Variants in RIMS2 observed in about 807,000 individuals in gnomAD.
The protein encoded by RIMS2 is regulating synaptic membrane exocytosis 2.
Under a neutral mutation model 174.4 loss-of-function variants are expected in RIMS2, and 59 were observed. The ratio of observed to expected loss-of-function variants is 0.34; its 90% CI spans 0.27 to 0.42. The LOEUF is 0.42. Among genes scored for constraint, RIMS2 ranks in the 10% least tolerant of loss-of-function variants. The probability of loss-of-function intolerance (pLI) is 1.00; values close to 1 mark genes in which losing one functional copy is unlikely to be tolerated. For synonymous variants in RIMS2, 606 were observed against 572.5 expected (o/e 1.06, Z -0.84); for missense variants, 1,620 against 1,666.3 (o/e 0.97, Z 0.48).
chr8:104,088,525 A>G (rs550173155), intron 19 of RIMS2, among the ~76,000 whole-genome samples: 1 of 152,176 alleles, frequency 6.6e-6, no homozygotes, highest in East Asian at 1.9e-4. Flanking sequence ...TCTCGATAGC[A>G]TGAGACTTGT....
intron 19 of RIMS2, among the ~76,000 whole-genome samples, chr8:104,064,142 C>G (rs2097059317): frequency 6.6e-6 from 1 of 152,068 alleles, no homozygotes; most frequent in Non-Finnish European, 1.5e-5. Flanking sequence ...ATAACTTTAA[C>G]TTTCTGGGCA....
At chr8:103,565,188 A>G (rs1321872256) in intron 1 of RIMS2, among the ~76,000 whole-genome samples, 1 of 152,230 alleles carries the variant, frequency 6.6e-6, no homozygotes, top group Non-Finnish European at 1.5e-5. Context: ...TGAATAGTCT[A>G]GGTGCAGTTT....
At chr8:104,063,723 T>G (rs2097050068) in intron 19 of RIMS2, among the ~76,000 whole-genome samples, 3 of 152,200 alleles carry the variant, frequency 2.0e-5, no homozygotes, top group Admixed American at 6.6e-5. Flanking sequence ...TGTTTAAGAC[T>G]ACAAGATGGA....
intron 19 of RIMS2, among the ~76,000 whole-genome samples, chr8:104,029,937 C>A (rs563708009): frequency 6.6e-6 from 1 of 152,190 alleles, no homozygotes; most frequent in East Asian, 1.9e-4. Flanking sequence ...TTTTTCCCAA[C>A]GTGGGGGAAA....
intron 19 of RIMS2, among the ~76,000 whole-genome samples, chr8:104,018,785 T>C (rs964334216): frequency 1.3e-5 from 2 of 152,178 alleles, no homozygotes; most frequent in Admixed American, 1.3e-4. Context: ...ATGATCATTT[T>C]TTCCATTATA....
chr8:104,062,820 A>G (rs936911510), intron 19 of RIMS2, among the ~76,000 whole-genome samples: 1 of 152,068 alleles, frequency 6.6e-6, no homozygotes, highest in Non-Finnish European at 1.5e-5. Flanking sequence ...TTTTGTGTCT[A>G]TTCCACATTG....
exon 1 of RIMS2, chr8:103,501,058 C>T (rs757761199): frequency 2.2e-5 from 36 of 1,601,044 alleles, no homozygotes; most frequent in Non-Finnish European, 2.9e-5. Context: ...GCAGTCCGTG[C>T]TCAAGTAAGG....
At chr8:103,802,600 CA>C (rs34654137) in intron 3 of RIMS2, among the ~76,000 whole-genome samples, 37,164 of 152,012 alleles carry the variant, frequency 0.24, 4,900 homozygotes, top group Non-Finnish European at 0.27. Context: ...TTTTGTAAAG[CA>C]AATAAACCAG....
At chr8:103,607,290 G>A (rs1179214244) in intron 1 of RIMS2, among the ~76,000 whole-genome samples, 1 of 151,914 alleles carries the variant, frequency 6.6e-6, no homozygotes, top group Non-Finnish European at 1.5e-5. Context: ...TGAAATTCTG[G>A]GATGAAAATT....
chr8:103,867,732 A>C (rs1182974915), intron 3 of RIMS2, among the ~76,000 whole-genome samples: 2 of 151,998 alleles, frequency 1.3e-5, no homozygotes. Flanking sequence ...ATCTATGAAA[A>C]CATCAAATTA....
chr8:104,176,685 C>A (rs1453236885), intron 19 of RIMS2, among the ~76,000 whole-genome samples: 4 of 150,332 alleles, frequency 2.7e-5, no homozygotes, highest in African/African-American at 7.3e-5. Context: ...ATTTTCATAT[C>A]ATTATATATG....
chr8:104,073,918 C>T lies in RIMS2; in HGVS notation c.3334+59303C>T, dbSNP rs143330210. On this transcript the variant is annotated intron_variant, in intron 19 of 23. Coordinates refer to ENST00000504942, the Ensembl canonical transcript of RIMS2. ...ATTTTTTAAAAAGCCCTTATAAATA[C>T]AACATAAACTGAAATTGGTGGACTT... 2.4e-3 allele frequency among the ~76,000 whole-genome samples: 371 copies of T among 152,278 alleles called. 1 individual carries two copies. Among genetic ancestry groups the T allele is most frequent in the Non-Finnish European group, 4.4e-3 (301 of 68,012 alleles).
At chr8:103,871,420 G>A (rs1259789897) in intron 3 of RIMS2, among the ~76,000 whole-genome samples, 1 of 152,016 alleles carries the variant, frequency 6.6e-6, no homozygotes, top group Non-Finnish European at 1.5e-5. Context: ...AAGTCAAAGG[G>A]ACTTTGTATA....
intron 1 of RIMS2, among the ~76,000 whole-genome samples, chr8:103,669,742 G>C (rs558329592): frequency 8.5e-4 from 130 of 152,354 alleles, no homozygotes; most frequent in African/African-American, 3.1e-3. Flanking sequence ...TGATGCAAGA[G>C]GTAGGTTCTC....
intron 1 of RIMS2, among the ~76,000 whole-genome samples, chr8:103,695,583 G>T (rs1288788321): frequency 6.6e-6 from 1 of 151,712 alleles, no homozygotes; most frequent in Non-Finnish European, 1.5e-5. Context: ...TGCAGTGAAG[G>T]TCTACTGCCA....
intron 19 of RIMS2, among the ~76,000 whole-genome samples, chr8:104,046,512 T>A (rs906718573): frequency 7.2e-5 from 11 of 152,142 alleles, no homozygotes; most frequent in African/African-American, 2.7e-4. Context: ...GTTATACTTA[T>A]GTCCTAAAAA....
intron 1 of RIMS2, among the ~76,000 whole-genome samples, chr8:103,609,922 A>G (rs1182413834): frequency 1.3e-5 from 2 of 152,196 alleles, no homozygotes; most frequent in African/African-American, 2.4e-5. Flanking sequence ...TGCTTTGGAC[A>G]GTATAGCCAT....
intron 1 of RIMS2, among the ~76,000 whole-genome samples, chr8:103,556,030 A>T (rs1229133657): frequency 6.6e-6 from 1 of 152,052 alleles, no homozygotes; most frequent in Non-Finnish European, 1.5e-5. Flanking sequence ...TTTACCAGGG[A>T]CTCTGTGGTG....
At chr8:104,160,120 C>T (rs1257577917) in intron 19 of RIMS2, among the ~76,000 whole-genome samples, 1 of 147,492 alleles carries the variant, frequency 6.8e-6, no homozygotes, top group Non-Finnish European at 1.5e-5. Flanking sequence ...GCTTGGGTGA[C>T]AGAACAAGAC....
Sources: gnomAD v4.1 joint callset for allele counts (sites outside exome capture counted in the v4.1 genomes callset) on GRCh38, gnomAD v4.1.1 for gene constraint, MANE v1.5 for transcripts, NCBI Gene and HGNC (gene_info 2026-07-23, HGNC 2026-07-21) for gene names.